The following NEK9 variants were observed in gnomAD, a reference collection of about 807,000 sequenced individuals.
The protein encoded by NEK9 is NIMA related kinase 9.
In NEK9, 75 loss-of-function variants were observed where a neutral mutation model predicts 123.4. That is an observed-to-expected ratio of 0.61 (90% CI 0.50 to 0.74). The LOEUF (loss-of-function observed/expected upper bound fraction) is 0.74. Among genes scored for constraint, NEK9 ranks in the 30% least tolerant of loss-of-function variants. The probability of loss-of-function intolerance (pLI) is 0.00; values close to 1 mark genes in which losing one functional copy is unlikely to be tolerated. For missense variants in NEK9, 952 were observed against 1,214.4 expected, an observed-to-expected ratio of 0.78 and a Z score of 3.21; for synonymous variants, 438 against 458.7, an observed-to-expected ratio of 0.95 and a Z score of 0.58.
intron 6 of NEK9, among the ~76,000 whole-genome samples, chr14:75,115,505 T>G (rs925810119): frequency 6.6e-6 from 1 of 152,238 alleles, no homozygotes; most frequent in East Asian, 1.9e-4. Context: ...GAAAAATGAA[T>G]AGGTCTTATG....
chr14:75,104,042 G>GT lies in NEK9; in HGVS notation c.1576-46dup, dbSNP rs1190953225. The GT allele has an allele frequency of 2.6e-6, 4 of 1,546,896 alleles. No individual in the cohort carries two copies. The African/African-American group carries it at 5.6e-5, about 22-fold the overall frequency. On this transcript the variant is annotated intron_variant, in intron 13 of 21. Transcript: ENST00000238616. ...AAAAGAAATCCCAAATATATAATTC[G>GT]TATTAGAAAAAAAGCTCTCAAATTC... is the stretch of plus-strand genomic sequence containing the variant.
At chr14:75,103,089 T>C (rs917805323) in intron 14 of NEK9, among the ~76,000 whole-genome samples, 6 of 152,026 alleles carry the variant, frequency 3.9e-5, no homozygotes, top group Admixed American at 3.3e-4. Context: ...ATATACCTAA[T>C]GTAAATGACG....
At chr14:75,124,583 G>A (rs1364094245) in intron 1 of NEK9, among the ~76,000 whole-genome samples, 4 of 152,082 alleles carry the variant, frequency 2.6e-5, no homozygotes, top group African/African-American at 9.7e-5. Context: ...GCAGAGAACT[G>A]GGGAGCAATT....
At chr14:75,118,094 T>C (rs1895199416) in intron 5 of NEK9, among the ~76,000 whole-genome samples, 1 of 152,224 alleles carries the variant, frequency 6.6e-6, no homozygotes, top group South Asian at 2.1e-4. Context: ...AAAGATATGA[T>C]TGCTTCTTCA....
At chr14:75,119,535 G>A (rs1458608556) in intron 4 of NEK9, among the ~76,000 whole-genome samples, 1 of 152,190 alleles carries the variant, frequency 6.6e-6, no homozygotes, top group African/African-American at 2.4e-5. Context: ...GAGACGGTCA[G>A]ATGAGGAAAA....
chr14:75,110,572 A>C (rs772561818), intron 8 of NEK9, among the ~76,000 whole-genome samples: 29 of 152,086 alleles, frequency 1.9e-4, no homozygotes, highest in Admixed American at 3.3e-4. Context: ...TAAATACCCA[A>C]AGGCCAGCAG....
intron 19 of NEK9, among the ~76,000 whole-genome samples, chr14:75,090,151 A>T (rs175481): frequency 0.98 from 148,403 of 151,442 alleles, 72,770 homozygotes; most frequent in Non-Finnish European, 1. Context: ...ATTTTTTTTT[A>T]AATTTTTATA....
chr14:75,088,785 A>G (rs1311155111), intron 19 of NEK9, 144 bp from the exon 20 acceptor site: 1 of 668,422 alleles, frequency 1.5e-6, no homozygotes, highest in African/African-American at 1.8e-5. Context: ...AACATATCAC[A>G]GCCTACCTGT....
intron 4 of NEK9, among the ~76,000 whole-genome samples, chr14:75,119,840 C>A (rs1244301552): frequency 6.6e-6 from 1 of 152,138 alleles, no homozygotes; most frequent in African/African-American, 2.4e-5. Context: ...TGCGAATAAA[C>A]CAGAACAATA....
chr14:75,126,886 A>C lies in NEK9; in HGVS notation c.36T>G (p.Asp12Glu). ...SVLGEYERHC[D>E]SINSDFGSES... is the part of the protein sequence containing the mutation. ...CGCTCCCAAAGTCCGAGTTGATGGA[A>C]TCGCAGTGTCGCTCGTACTCGCCCA... The change falls in exon 1 of 22, where the codon GAT becomes GAG. Residue 12 changes from aspartate (D) to glutamate (E), a missense_variant. Physicochemically the swap from Asp to Glu is conservative, Grantham distance 45 (BLOSUM62 2). Coordinates refer to ENST00000238616, the MANE Select transcript of NEK9 (RefSeq NM_033116.6). 1 of 1,522,232 alleles carries C rather than the reference A, an allele frequency of 6.6e-7. No individual in the cohort carries two copies. Among genetic ancestry groups the C allele is most frequent in the East Asian group, 2.7e-5 (1 of 37,288 alleles). The allele number at this position is 1,522,232 out of a possible 1,614,324, so 94.3% of individuals were successfully genotyped here.
chr14:75,112,851 G>A (rs746019858), intron 8 of NEK9, among the ~76,000 whole-genome samples: 1 of 151,924 alleles, frequency 6.6e-6, no homozygotes, highest in Non-Finnish European at 1.5e-5. Flanking sequence ...AAAAACCAAA[G>A]GACCAGTCCA....
chr14:75,114,397 G>T, intron 6 of NEK9, 84 bp from the exon 7 acceptor site: 1 of 1,046,606 alleles, frequency 9.6e-7, no homozygotes, highest in Non-Finnish European at 1.5e-6. Flanking sequence ...AGGTGTCTGT[G>T]ACCATTATTT....
At chr14:75,105,495 A>C (rs1894740918) in intron 13 of NEK9, among the ~76,000 whole-genome samples, 1 of 152,208 alleles carries the variant, frequency 6.6e-6, no homozygotes, top group Non-Finnish European at 1.5e-5. Flanking sequence ...CAAGGCTGAG[A>C]GTAATTAGAT....
intron 20 of NEK9, 78 bp downstream of exon 20, chr14:75,088,402 A>G (rs973255281): frequency 5.5e-6 from 8 of 1,457,650 alleles, no homozygotes; most frequent in Non-Finnish European, 6.6e-6. Flanking sequence ...CAAAAGCTAG[A>G]GCGAGGCCAG....
In NEK9 at chr14:75,082,731, G is replaced by A. The variant is rs1381631634; in HGVS notation, c.*1833C>T. 1.7e-5 allele frequency: 6 copies of A among 359,550 alleles called. No homozygotes were observed. In the Admixed American group the frequency reaches 2.8e-4, roughly 17 times the overall value. 22.3% of individuals were successfully genotyped at this position (359,550 alleles called of 1,614,324 possible). A position where few individuals can be genotyped will look rare whatever the true frequency, so the allele number is the denominator to read the frequency against. ...ACACCCAAACTGACCCAGCCTCTCAGGCCTGCTGAGATGATGAGCATGAGG... is the reference window on the plus strand; with the variant it reads ...ACACCCAAACTGACCCAGCCTCTCAAGCCTGCTGAGATGATGAGCATGAGG... On this transcript the variant is annotated 3_prime_UTR_variant, in exon 22 of 22. Transcript: ENST00000238616.
chr14:75,117,683 A>T (rs999748415), intron 5 of NEK9, among the ~76,000 whole-genome samples: 3 of 152,228 alleles, frequency 2.0e-5, no homozygotes, highest in Admixed American at 6.5e-5. Flanking sequence ...TGGGAAAAAA[A>T]TCCAAACACT....
At chr14:75,111,656 C>T (rs1488439620) in intron 8 of NEK9, among the ~76,000 whole-genome samples, 3 of 151,998 alleles carry the variant, frequency 2.0e-5, no homozygotes, top group East Asian at 1.9e-4. Flanking sequence ...TTTGGGAGGC[C>T]GATGCAGGCA....
chr14:75,122,504 T>A (rs1261465695), intron 2 of NEK9, among the ~76,000 whole-genome samples: 1 of 152,108 alleles, frequency 6.6e-6, no homozygotes, highest in Non-Finnish European at 1.5e-5. Context: ...AAGTAGGTAC[T>A]GTTATCAACA....
At chr14:75,113,876 T>C (rs1895041110) in intron 7 of NEK9, among the ~76,000 whole-genome samples, 1 of 152,236 alleles carries the variant, frequency 6.6e-6, no homozygotes, top group South Asian at 2.1e-4. Context: ...ACAGACATTC[T>C]GTATTAGAAG....
Sources: allele counts gnomAD v4.1 joint callset (sites outside exome capture counted in the v4.1 genomes callset), GRCh38; gene constraint gnomAD v4.1.1; transcripts MANE v1.5; gene names NCBI Gene and HGNC (gene_info 2026-07-23, HGNC 2026-07-21).